Variants in STX8 observed in about 807,000 individuals in gnomAD.
STX8 encodes the protein syntaxin 8, also known as syntaxin-8.
Under a neutral mutation model 37.5 loss-of-function variants are expected in STX8, and 23 were observed. The ratio of observed to expected loss-of-function variants is 0.61; its 90% CI spans 0.44 to 0.87. The LOEUF (loss-of-function observed/expected upper bound fraction) is 0.87. Ranked by LOEUF, STX8 falls within the 40% of genes least tolerant of loss-of-function variation. STX8 has a pLI of 0.00. For missense variants in STX8, 313 were observed against 284.7 expected (o/e 1.10, Z -0.71); for synonymous variants, 115 against 99.1 (o/e 1.16, Z -0.95).
At chr17:9,545,143 A>C (rs748772390) in intron 4 of STX8, 29 bp downstream of exon 4, 3 of 1,521,230 alleles carry the variant, frequency 2.0e-6, no homozygotes, top group South Asian at 2.3e-5. Flanking sequence ...TCGCCCACCA[A>C]GTAATCCCTG....
chr17:9,360,298 C>CA (rs1207714780), intron 7 of STX8, among the ~76,000 whole-genome samples: 1 of 137,768 alleles, frequency 7.3e-6, no homozygotes, highest in African/African-American at 2.7e-5. Context: ...GCAGTGGTGC[C>CA]ATCGCAGCTC....
rs575240217 is a variant in STX8 at position 9,556,750 on chromosome 17, A to AATAT, written c.212+680_212+683dup. 96 of 99,498 alleles carry AATAT rather than the reference A, an allele frequency of 9.6e-4. 2 individuals carry two copies. Among genetic ancestry groups the AATAT allele is most frequent in the Middle Eastern group, 5.0e-3 (1 of 200 alleles). The allele number at this position is 99,498 out of a possible 1,614,324, so 6.2% of individuals were successfully genotyped here. A position where few individuals can be genotyped will look rare whatever the true frequency, so the allele number is the denominator to read the frequency against. The stretch of plus-strand genomic sequence containing the variant: ...CCTGGCCCAGATTATGAATTTCTAA[A>AATAT]ATATATATATATATATATATATATA... On this transcript the variant is annotated intron_variant, in intron 3 of 7. Transcript: ENST00000306357.
chr17:9,405,973 G>A (rs566080458), intron 6 of STX8, among the ~76,000 whole-genome samples: 3 of 152,212 alleles, frequency 2.0e-5, no homozygotes, highest in East Asian at 3.9e-4. Context: ...GTATAGATAT[G>A]CCTTTCTTAT....
intron 6 of STX8, among the ~76,000 whole-genome samples, chr17:9,445,035 G>A (rs77390832): frequency 0.013 from 1,929 of 152,280 alleles, 14 homozygotes; most frequent in Middle Eastern, 0.024. Context: ...ACAGATTGAT[G>A]TGTAGTTCGA....
chr17:9,448,590 C>T (rs1904936310), intron 6 of STX8, among the ~76,000 whole-genome samples: 1 of 152,174 alleles, frequency 6.6e-6, no homozygotes, highest in African/African-American at 2.4e-5. Context: ...CAAGCTGTTG[C>T]CCAGGAGTTC....
chr17:9,563,049 C>T (rs1907306961), intron 2 of STX8, among the ~76,000 whole-genome samples: 2 of 151,784 alleles, frequency 1.3e-5, no homozygotes, highest in African/African-American at 4.8e-5. Flanking sequence ...ACCCATACAG[C>T]GCTAAAGAAG....
At chr17:9,381,765 T>C (rs1300716281) in intron 6 of STX8, among the ~76,000 whole-genome samples, 1 of 152,144 alleles carries the variant, frequency 6.6e-6, no homozygotes, top group African/African-American at 2.4e-5. Context: ...GGTCAGGAGT[T>C]TGAGACCAGC....
intron 7 of STX8, among the ~76,000 whole-genome samples, chr17:9,371,993 C>T (rs1431903274): frequency 2.0e-5 from 3 of 152,120 alleles, no homozygotes; most frequent in South Asian, 4.2e-4. Flanking sequence ...TGGTCATTGC[C>T]CTTAGAAATT....
intron 4 of STX8, among the ~76,000 whole-genome samples, chr17:9,508,985 A>G (rs980581307): frequency 6.6e-6 from 1 of 152,220 alleles, no homozygotes; most frequent in Non-Finnish European, 1.5e-5. Context: ...GTGGTGGCTC[A>G]TGCCTGTTAT....
chr17:9,271,410 G>A (rs911322705), intron 7 of STX8, among the ~76,000 whole-genome samples: 1 of 151,876 alleles, frequency 6.6e-6, no homozygotes, highest in African/African-American at 2.4e-5. Context: ...GCCGAGATGC[G>A]CCTTTGCACT....
intron 6 of STX8, among the ~76,000 whole-genome samples, chr17:9,475,230 A>G (rs1329203207): frequency 6.6e-6 from 1 of 152,186 alleles, no homozygotes; most frequent in Non-Finnish European, 1.5e-5. Context: ...ATCAATGAAG[A>G]CATCATTTTG....
At chr17:9,362,102 G>A (rs1911079920) in intron 7 of STX8, among the ~76,000 whole-genome samples, 1 of 152,070 alleles carries the variant, frequency 6.6e-6, no homozygotes, top group African/African-American at 2.4e-5. Context: ...AGGCTGAAGT[G>A]GGCAGATCAC....
intron 6 of STX8, among the ~76,000 whole-genome samples, chr17:9,481,288 C>G (rs1341892596): frequency 6.6e-6 from 1 of 152,232 alleles, no homozygotes; most frequent in African/African-American, 2.4e-5. Flanking sequence ...CAGCTCTGGG[C>G]TGTGGATGAG....
chr17:9,482,177 T>C (rs766953720), intron 6 of STX8, among the ~76,000 whole-genome samples: 87 of 152,232 alleles, frequency 5.7e-4, no homozygotes, highest in Non-Finnish European at 1.0e-3. Context: ...AGCAAGACCC[T>C]GTCCCTATTT....
In STX8 at chr17:9,251,988, AC is replaced by A. The variant is rs538665535; in HGVS notation, c.644-1344del. On this transcript the variant is annotated intron_variant, in intron 7 of 7. Transcript: ENST00000306357. ...AGACCAGCCTGACCAACATGGTGAA[AC>A]CCCATCTCTATTAAAAATATATTTA... 5.2e-4 allele frequency among the ~76,000 whole-genome samples: 77 copies of A among 148,920 alleles called. No individual in the cohort carries two copies. In the South Asian group the frequency reaches 0.011, roughly 22 times the overall value.
At chr17:9,250,792 G>A in intron 7 of STX8, 147 bp from the exon 8 acceptor site, 5 of 796,832 alleles carry the variant, frequency 6.3e-6, no homozygotes, top group Non-Finnish European at 1.0e-5. Flanking sequence ...TCGGTGGCCT[G>A]GGGCGCCGCT....
chr17:9,448,271 T>G (rs1367116384), intron 6 of STX8, among the ~76,000 whole-genome samples: 1 of 152,074 alleles, frequency 6.6e-6, no homozygotes, highest in Non-Finnish European at 1.5e-5. Context: ...CAAGACAATA[T>G]TTGAGGAACT....
chr17:9,319,451 A>C (rs1427812792), intron 7 of STX8, among the ~76,000 whole-genome samples: 1 of 152,030 alleles, frequency 6.6e-6, no homozygotes, highest in Non-Finnish European at 1.5e-5. Context: ...CAAAACAAAC[A>C]CTAAAGAAAA....
chr17:9,479,602 T>C (rs1906233199), intron 6 of STX8, among the ~76,000 whole-genome samples: 1 of 148,392 alleles, frequency 6.7e-6, no homozygotes, highest in Admixed American at 6.8e-5. Context: ...TAAATTTAAG[T>C]ATAGATGTAT....
Sources: gnomAD v4.1 joint callset for allele counts (sites outside exome capture counted in the v4.1 genomes callset) on GRCh38, gnomAD v4.1.1 for gene constraint, MANE v1.5 for transcripts, NCBI Gene and HGNC (gene_info 2026-07-23, HGNC 2026-07-21) for gene names.